Variants in CDK19 observed in about 807,000 individuals in gnomAD.
CDK19 encodes the protein cyclin-dependent kinase 19.
A neutral mutation model predicts 68.3 loss-of-function variants in CDK19; 20 were observed. That is an observed-to-expected ratio of 0.29 (90% confidence interval 0.21 to 0.43). The LOEUF is 0.43. Ranked by LOEUF, CDK19 falls within the 20% of genes least tolerant of loss-of-function variation. The probability of loss-of-function intolerance (pLI) is 1.00; values close to 1 mark genes in which losing one functional copy is unlikely to be tolerated. For missense variants in CDK19, 339 were observed against 623.5 expected (o/e 0.54, Z 4.86); for synonymous variants, 221 against 222.8 (o/e 0.99, Z 0.07).
chr6:110,807,738 G>A (rs1013601260), intron 1 of CDK19, among the ~76,000 whole-genome samples: 1 of 152,104 alleles, frequency 6.6e-6, no homozygotes, highest in African/African-American at 2.4e-5. Flanking sequence ...TGGGATTATA[G>A]GCATAAGCCA....
intron 1 of CDK19, among the ~76,000 whole-genome samples, chr6:110,752,349 A>G (rs1274117832): frequency 1.3e-5 from 2 of 152,164 alleles, no homozygotes; most frequent in Admixed American, 1.3e-4. Flanking sequence ...ACATCTTTCC[A>G]TTTCATTTAT....
intron 1 of CDK19, among the ~76,000 whole-genome samples, chr6:110,812,227 T>C (rs1160663864): frequency 6.6e-6 from 1 of 151,960 alleles, no homozygotes; most frequent in Non-Finnish European, 1.5e-5. Context: ...TTCACGCCAT[T>C]GTCCTGCCTC....
rs534070363 is a variant in CDK19 at position 110,788,738 on chromosome 6, ATTTC to A, written c.128+26267_128+26270del. On this transcript the variant is annotated intron_variant, in intron 1 of 12. Transcript: ENST00000368911. ...CATAGCTGGAGAAATGGCTTCACAA[ATTTC>A]TTTTTCTTTTTTTTTATGATCCTTA... Among the ~76,000 whole-genome samples the A allele has an allele frequency of 1.1e-3, 174 of 152,190 alleles. 1 individual carries two copies. In the South Asian group the frequency reaches 0.034, roughly 30 times the overall value.
intron 2 of CDK19, among the ~76,000 whole-genome samples, chr6:110,719,168 C>T (rs1775633532): frequency 6.6e-6 from 1 of 151,844 alleles, no homozygotes; most frequent in African/African-American, 2.4e-5. Flanking sequence ...AAGCATGAGA[C>T]AAAAAACACC....
chr6:110,764,952 A>AAAACAAATAAATAAAT (rs1779470425), intron 1 of CDK19, among the ~76,000 whole-genome samples: 1 of 141,048 alleles, frequency 7.1e-6, no homozygotes, highest in African/African-American at 2.6e-5. Context: ...CTCCATCTCA[A>AAAACAAATAAATAAAT]AAATAAATAA....
chr6:110,643,943 T>A (rs1035478229), intron 4 of CDK19, among the ~76,000 whole-genome samples: 1 of 151,852 alleles, frequency 6.6e-6, no homozygotes. Flanking sequence ...ATTAAATTAA[T>A]TAAAAATTAA....
chr6:110,734,561 C>CTCTCTCTCTCTCTCTCTCTCTCTCAT (rs11272371), intron 2 of CDK19, among the ~76,000 whole-genome samples: 1 of 146,360 alleles, frequency 6.8e-6, no homozygotes, highest in Non-Finnish European at 1.5e-5. Flanking sequence ...CTCTCTCTCT[C>CTCTCTCTCTCTCTCTCTCTCTCTCAT]ATGTCTGGGC....
At chr6:110,679,282 C>A (rs1771800471) in intron 2 of CDK19, among the ~76,000 whole-genome samples, 1 of 151,890 alleles carries the variant, frequency 6.6e-6, no homozygotes, top group Non-Finnish European at 1.5e-5. Context: ...TACCACTGCC[C>A]TCCAGCCTGG....
chr6:110,623,803 TATAC>T (rs1158452087), intron 8 of CDK19, among the ~76,000 whole-genome samples: 1 of 147,250 alleles, frequency 6.8e-6, no homozygotes, highest in African/African-American at 2.5e-5. Flanking sequence ...TACACACACA[TATAC>T]ACATATATAC....
At chr6:110,680,814 T>C (rs1249243711) in intron 2 of CDK19, among the ~76,000 whole-genome samples, 3 of 151,792 alleles carry the variant, frequency 2.0e-5, no homozygotes, top group African/African-American at 7.3e-5. Flanking sequence ...CTGGACAACA[T>C]GGCAAAACCC....
chr6:110,779,684 G>T (rs1308180372), intron 1 of CDK19, among the ~76,000 whole-genome samples: 2 of 152,198 alleles, frequency 1.3e-5, no homozygotes, highest in Non-Finnish European at 2.9e-5. Context: ...GGAAGGCTGA[G>T]GCAAGAGGAT....
At chr6:110,730,666 TTTC>T (rs534933437) in intron 2 of CDK19, among the ~76,000 whole-genome samples, 75 of 152,366 alleles carry the variant, frequency 4.9e-4, no homozygotes, top group East Asian at 1.3e-3. Context: ...TGTAATTAAA[TTTC>T]TTCTTCTTCT....
intron 1 of CDK19, among the ~76,000 whole-genome samples, chr6:110,790,642 AT>A (rs1425311386): frequency 1.3e-5 from 2 of 152,118 alleles, no homozygotes; most frequent in Non-Finnish European, 2.9e-5. Flanking sequence ...TCACTTTGAA[AT>A]TTTATAGTAA....
At chr6:110,737,718 A>G (rs2114834231) in intron 2 of CDK19, among the ~76,000 whole-genome samples, 1 of 152,332 alleles carries the variant, frequency 6.6e-6, no homozygotes. Flanking sequence ...AAACTCTTAC[A>G]AGATTTCATT....
At chr6:110,673,551 C>CT (rs1771199804) in intron 2 of CDK19, among the ~76,000 whole-genome samples, 1 of 149,896 alleles carries the variant, frequency 6.7e-6, no homozygotes, top group Non-Finnish European at 1.5e-5. Flanking sequence ...AAAAAAAAAA[C>CT]TTTTTTTGTA....
intron 1 of CDK19, among the ~76,000 whole-genome samples, chr6:110,755,504 G>A (rs1379142065): frequency 6.6e-6 from 1 of 152,150 alleles, no homozygotes; most frequent in Non-Finnish European, 1.5e-5. Flanking sequence ...ATTTTCAAAG[G>A]AACATTTGAG....
intron 2 of CDK19, among the ~76,000 whole-genome samples, chr6:110,671,690 TCAATTCCCA>T (rs1380488206): frequency 6.6e-6 from 1 of 152,218 alleles, no homozygotes. Flanking sequence ...GTTCATGTCT[TCAATTCCCA>T]CAATGTGGTA....
intron 1 of CDK19, among the ~76,000 whole-genome samples, chr6:110,751,556 A>G (rs1488515443): frequency 6.6e-6 from 1 of 152,170 alleles, no homozygotes; most frequent in African/African-American, 2.4e-5. Context: ...ATAATAACAC[A>G]AATAAAGTGC....
chr6:110,768,205 C>A (rs1418704446), intron 1 of CDK19, among the ~76,000 whole-genome samples: 3 of 152,230 alleles, frequency 2.0e-5, no homozygotes, highest in Admixed American at 2.0e-4. Flanking sequence ...TGTACACCCA[C>A]TAGCATGGCT....
Sources: gnomAD v4.1 joint callset for allele counts (sites outside exome capture counted in the v4.1 genomes callset) on GRCh38, gnomAD v4.1.1 for gene constraint, MANE v1.5 for transcripts, NCBI Gene and HGNC (gene_info 2026-07-23, HGNC 2026-07-21) for gene names.